The following ADAMTS17 variants were observed in gnomAD, a reference collection of about 807,000 sequenced individuals.
The protein encoded by ADAMTS17 is A disintegrin and metalloproteinase with thrombospondin motifs 17.
In ADAMTS17, 113 loss-of-function variants were observed where a neutral mutation model predicts 141.5. The observed-to-expected ratio is 0.80, with a 90% confidence interval of 0.69 to 0.93. The LOEUF (loss-of-function observed/expected upper bound fraction) is 0.93, where lower values mean the gene tolerates loss of function less well. ADAMTS17 is among the 40% of genes least tolerant of loss of function. The probability of loss-of-function intolerance (pLI) is 0.00; values close to 1 mark genes in which losing one functional copy is unlikely to be tolerated. For synonymous variants in ADAMTS17, 768 were observed against 630.6 expected (o/e 1.22, Z -3.27); for missense variants, 1,659 against 1,517.9 (o/e 1.09, Z -1.54).
intron 18 of ADAMTS17, among the ~76,000 whole-genome samples, chr15:100,029,086 T>C (rs1199371388): frequency 2.0e-5 from 3 of 152,186 alleles, no homozygotes; most frequent in South Asian, 2.1e-4. Flanking sequence ...ACTTGGGTCT[T>C]TCCATCTGGT....
chr15:100,064,115 A>G, intron 15 of ADAMTS17, among the ~76,000 whole-genome samples: 1 of 152,306 alleles, frequency 6.6e-6, no homozygotes, highest in African/African-American at 2.4e-5. Context: ...TGATGTCCTT[A>G]TAAAAAGGGG....
chr15:99,999,354 G>A (rs771324680), intron 18 of ADAMTS17, among the ~76,000 whole-genome samples: 1 of 152,210 alleles, frequency 6.6e-6, no homozygotes, highest in Non-Finnish European at 1.5e-5. Flanking sequence ...AGCAGAACAG[G>A]GAGTGGGTGG....
intron 7 of ADAMTS17, among the ~76,000 whole-genome samples, chr15:100,231,881 A>C (rs1028174614): frequency 3.9e-5 from 6 of 152,268 alleles, no homozygotes; most frequent in Middle Eastern, 3.4e-3. Context: ...GTAATTCCTC[A>C]TCCTTTTTCT....
chr15:100,063,511 G>C (rs987671517), intron 15 of ADAMTS17: 5 of 444,724 alleles, frequency 1.1e-5, no homozygotes, highest in Non-Finnish European at 2.0e-5. Flanking sequence ...CTGCATGTTA[G>C]TCAAATATGA....
At position 99,974,409 on chromosome 15, in the gene ADAMTS17, T is replaced by C. The variant is rs2573652; in HGVS notation, c.3281A>G (p.Asn1094Ser). Residue 1094 changes from asparagine (N) to serine (S), a missense_variant, in exon 22 of 22, where the codon AAC (asparagine) becomes AGC (serine). Asn to Ser is a conservative substitution (Grantham distance 46, BLOSUM62 1). Coordinates refer to ENST00000268070, the MANE Select transcript of ADAMTS17 (RefSeq NM_139057.4). Reference sequence around the variant, plus strand: ...GACCCTTGGGACTGCGTGTCACGAGTTCGGCGGTGGCTGGCGCATCTTGTT... The same window carrying C: ...GACCCTTGGGACTGCGTGTCACGAGCTCGGCGGTGGCTGGCGCATCTTGTT... ...YANKMRQPPP[N>S]S 1,077,242 of 1,613,878 alleles carry C rather than the reference T, an allele frequency of 0.67. 362,029 individuals carry two copies. Among genetic ancestry groups the C allele is most frequent in the African/African-American group, 0.81 (60,860 of 74,992 alleles).
chr15:100,218,029 C>T (rs2042021973), intron 7 of ADAMTS17, among the ~76,000 whole-genome samples: 1 of 152,080 alleles, frequency 6.6e-6, no homozygotes, highest in Non-Finnish European at 1.5e-5. Flanking sequence ...TACAGGTGCA[C>T]ACCACCATGC....
chr15:99,982,454 G>A (rs2060499505), intron 20 of ADAMTS17, among the ~76,000 whole-genome samples: 1 of 152,216 alleles, frequency 6.6e-6, no homozygotes, highest in East Asian at 1.9e-4. Flanking sequence ...CAGGTCTGAA[G>A]GGGCTGCTGT....
chr15:100,243,789 T>TAA (rs547134930), intron 7 of ADAMTS17, among the ~76,000 whole-genome samples: 25,452 of 92,182 alleles, frequency 0.28, 2,884 homozygotes, highest in East Asian at 0.51. Context: ...GACTCCATCT[T>TAA]AAAAAAAAAA....
intron 4 of ADAMTS17, among the ~76,000 whole-genome samples, chr15:100,270,343 G>A (rs2043862069): frequency 6.6e-6 from 1 of 150,732 alleles, no homozygotes; most frequent in South Asian, 2.1e-4. Context: ...ACCTAGAGGA[G>A]ATGGCCCATA....
At chr15:100,292,102 G>C (rs375533882) in intron 3 of ADAMTS17, among the ~76,000 whole-genome samples, 68 of 137,394 alleles carry the variant, frequency 4.9e-4, no homozygotes, top group South Asian at 2.1e-3. Context: ...GAGACGCTCA[G>C]CCCGTGGGGA....
At chr15:100,217,115 A>G (rs1596300855) in intron 7 of ADAMTS17, among the ~76,000 whole-genome samples, 1 of 152,324 alleles carries the variant, frequency 6.6e-6, no homozygotes, top group East Asian at 1.9e-4. Context: ...TCTGATAGGA[A>G]AAATAAACAG....
Position 99,997,635 on chromosome 15 carries a change from C to T in ADAMTS17, c.2592-46G>A. The T allele has an allele frequency of 1.9e-6, 3 of 1,608,320 alleles. No homozygotes were observed. The highest frequency in any genetic ancestry group is 2.5e-6 in the Non-Finnish European group (3 of 1,177,300). On this transcript the variant is annotated intron_variant, in intron 18 of 21. Transcript: ENST00000268070. The surrounding 1 kb of genome is among the most constrained non-coding windows in gnomAD (Gnocchi z 4.7). ...GAGAGAGAACGACTGGGTGAGAGGC[C>T]AGCCTCTCCGGAGGGCCTTCCGGCC...
intron 15 of ADAMTS17, among the ~76,000 whole-genome samples, chr15:100,084,775 T>C (rs1251263505): frequency 6.6e-6 from 1 of 152,190 alleles, no homozygotes; most frequent in African/African-American, 2.4e-5. Flanking sequence ...GACCTGTAGC[T>C]GAGGGTCCTC....
chr15:100,199,213 A>C, intron 8 of ADAMTS17, 105 bp downstream of exon 8: 1 of 1,105,706 alleles, frequency 9.0e-7, no homozygotes, highest in South Asian at 1.2e-5. Flanking sequence ...CAGATGCAGC[A>C]AAGGCATAGA....
chr15:100,131,982 G>A (rs773424185), intron 12 of ADAMTS17, 25 bp downstream of exon 12: 2 of 1,614,200 alleles, frequency 1.2e-6, no homozygotes, highest in Non-Finnish European at 1.7e-6. Flanking sequence ...TGGCACGTTG[G>A]GGTATGGCTG....
chr15:100,023,375 T>G (rs1021860448), intron 18 of ADAMTS17, among the ~76,000 whole-genome samples: 1 of 151,972 alleles, frequency 6.6e-6, no homozygotes, highest in African/African-American at 2.4e-5. Context: ...CTAATTTTTT[T>G]TTTTGTATTT....
chr15:100,165,770 T>C (rs1268588466), intron 8 of ADAMTS17, among the ~76,000 whole-genome samples: 1 of 152,184 alleles, frequency 6.6e-6, no homozygotes, highest in Non-Finnish European at 1.5e-5. Context: ...CCAGGTGATA[T>C]GAGGGAACAA....
At chr15:100,136,563 G>T (rs1368061735) in intron 10 of ADAMTS17, among the ~76,000 whole-genome samples, 2 of 152,178 alleles carry the variant, frequency 1.3e-5, no homozygotes, top group African/African-American at 4.8e-5. Flanking sequence ...CTGTCATCCT[G>T]AGCCTCATGG....
rs1013122936 is a variant in ADAMTS17, at chr15:100,296,115, T to C, written c.617-14714A>G. Among the ~76,000 whole-genome samples the C allele has an allele frequency of 6.0e-4, 92 of 152,128 alleles. 1 individual carries two copies. The highest frequency in any genetic ancestry group is 2.0e-3 in the African/African-American group (85 of 41,500). On this transcript the variant is annotated intron_variant, in intron 3 of 21. Coordinates refer to ENST00000268070, the MANE Select transcript of ADAMTS17 (RefSeq NM_139057.4). ...GTGCTTAACAGATTCGGGGTCAATG[T>C]GGGAAACGTACTCGAGAAGGAAACC...
Sources: allele counts gnomAD v4.1 joint callset (sites outside exome capture counted in the v4.1 genomes callset), GRCh38; gene constraint gnomAD v4.1.1; non-coding constraint Gnocchi (gnomAD v3.1); transcripts MANE v1.5; gene names NCBI Gene and HGNC (gene_info 2026-07-23, HGNC 2026-07-21).